Variants in SETD2 observed in about 807,000 individuals in gnomAD.
The protein encoded by SETD2 is histone-lysine N-methyltransferase SETD2.
SETD2 carries 31 observed loss-of-function variants against 242.1 expected under a neutral mutation model. That is an observed-to-expected ratio of 0.13 (90% CI 0.10 to 0.17). The LOEUF is 0.17. SETD2 is among the 10% of genes least tolerant of loss of function. The pLI is 1.00. For synonymous variants in SETD2, 1,006 were observed against 1,066.5 expected, an observed-to-expected ratio of 0.94 and a Z score of 1.11; for missense variants, 2,481 against 3,046.3, an observed-to-expected ratio of 0.81 and a Z score of 4.37.
At chr3:47,046,992 A>G (rs985741412) in intron 15 of SETD2, 1 of 157,200 alleles carries the variant, frequency 6.4e-6, no homozygotes, top group African/African-American at 2.4e-5. Flanking sequence ...GATATCCAAG[A>G]AACAATGCCA....
chr3:47,117,271 A>AAAC, intron 3 of SETD2, among the ~76,000 whole-genome samples: 1 of 139,182 alleles, frequency 7.2e-6, no homozygotes, highest in African/African-American at 3.1e-5. Flanking sequence ...CAAAAAAAAA[A>AAAC]AAAAAAAAAC....
In SETD2 at chr3:47,067,406, C is replaced by CTTT. The variant is rs548953692; in HGVS notation, c.6061-291_6061-289dup. Among the ~76,000 whole-genome samples the CTTT allele has an allele frequency of 6.6e-4, 55 of 83,906 alleles. 1 individual carries two copies. The highest frequency in any genetic ancestry group is 9.9e-4 in the African/African-American group (19 of 19,170). The allele number at this position is 83,906 out of a possible 152,430, so 55.0% of individuals were successfully genotyped here. A position where few individuals can be genotyped will look rare whatever the true frequency, so the allele number is the denominator to read the frequency against. ...GGGCAAGGATACGCTTCCTGAGCAT[C>CTTT]TTTTTTTTTTTTTTTTTTTTTTTTT... is the stretch of plus-strand genomic sequence containing the variant. On this transcript the variant is annotated intron_variant, in intron 12 of 20. Coordinates refer to ENST00000409792, the MANE Select transcript of SETD2 (RefSeq NM_014159.7).
At chr3:47,148,538 A>G (rs2043914588) in intron 1 of SETD2, among the ~76,000 whole-genome samples, 1 of 152,236 alleles carries the variant, frequency 6.6e-6, no homozygotes, top group South Asian at 2.1e-4. Context: ...GTGTTCAAGT[A>G]TTCTCCAATT....
In SETD2 at chr3:47,127,586, G is replaced by C. The variant is rs538014572; in HGVS notation, c.72-923C>G. On this transcript the variant is annotated intron_variant, in intron 1 of 20. Transcript: ENST00000409792. The stretch of plus-strand genomic sequence containing the variant: ...CTCTTAAAAATAATTTTTAGGCCAG[G>C]TGCGGTGGCTCACGCCTGTAATCCC... 78 of 452,762 alleles carry C rather than the reference G, an allele frequency of 1.7e-4. No homozygotes were observed. In the Admixed American group the frequency reaches 1.9e-3, roughly 11 times the overall value. 28.0% of individuals were successfully genotyped at this position (452,762 alleles called of 1,614,324 possible). A position where few individuals can be genotyped will look rare whatever the true frequency, so the allele number is the denominator to read the frequency against.
intron 15 of SETD2, among the ~76,000 whole-genome samples, chr3:47,051,536 A>C (rs1432743782): frequency 1.3e-5 from 2 of 152,174 alleles, no homozygotes; most frequent in East Asian, 3.8e-4. Context: ...TCAGTCTAAC[A>C]ACCAAAAATC....
chr3:47,040,917 TAC>T (rs1041004618), intron 17 of SETD2, among the ~76,000 whole-genome samples: 2 of 152,160 alleles, frequency 1.3e-5, no homozygotes, highest in African/African-American at 4.8e-5. Flanking sequence ...TCCAAATTGA[TAC>T]AAACTATTGT....
chr3:47,086,718 T>C (rs748069561), intron 10 of SETD2, among the ~76,000 whole-genome samples: 3 of 151,858 alleles, frequency 2.0e-5, no homozygotes, highest in Non-Finnish European at 1.5e-5. Context: ...GACCTCTTTT[T>C]CCTGTTAGTT....
At chr3:47,115,431 C>A (rs1284659910) in intron 4 of SETD2, among the ~76,000 whole-genome samples, 4 of 152,150 alleles carry the variant, frequency 2.6e-5, no homozygotes, top group Non-Finnish European at 4.4e-5. Context: ...TCTCTTCTTA[C>A]ATCTGTACTG....
chr3:47,163,743 T>G, intron 1 of SETD2, 111 bp downstream of exon 1: 6 of 888,336 alleles, frequency 6.8e-6, no homozygotes, highest in East Asian at 1.1e-4. Context: ...GAGGCCACCG[T>G]GGGCCTGTTA....
chr3:47,120,689 G>T lies in SETD2; in HGVS notation c.3947C>A (p.Thr1316Asn). 1 of 1,614,132 alleles carries T rather than the reference G, an allele frequency of 6.2e-7. No homozygotes were observed. Among genetic ancestry groups the T allele is most frequent in the Non-Finnish European group, 8.5e-7 (1 of 1,180,036 alleles). ...WDPRSGRPPGTGVVYDRTQGQ... is the reference protein window; with the variant it reads ...WDPRSGRPPGNGVVYDRTQGQ... ...TTGAGTTCGATCATACACAACCCCA[G>T]TTCCAGGAGGTCTACCTGATCTTGG... Residue 1316 changes from threonine to asparagine, a missense_variant, in exon 3 of 21, where the codon ACT (threonine) becomes AAT (asparagine). Coordinates refer to ENST00000409792, the MANE Select transcript of SETD2 (RefSeq NM_014159.7).
At chr3:47,050,967 A>G (rs1056420265) in intron 15 of SETD2, among the ~76,000 whole-genome samples, 3 of 151,832 alleles carry the variant, frequency 2.0e-5, no homozygotes, top group Non-Finnish European at 4.4e-5. Flanking sequence ...TCCTGACCTC[A>G]AGTGATCCCC....
At chr3:47,156,300 G>A (rs374952667) in intron 1 of SETD2, among the ~76,000 whole-genome samples, 3 of 152,226 alleles carry the variant, frequency 2.0e-5, no homozygotes, top group Non-Finnish European at 2.9e-5. Flanking sequence ...TTAAATCAAC[G>A]AGTCACTACA....
rs2106691905 is a variant in SETD2, at chr3:47,122,964, T to G, written c.1672A>C (p.Thr558Pro). The change falls in exon 3 of 21, where the codon ACC becomes CCC. Residue 558 changes from threonine to proline, a missense_variant. Physicochemically the swap from Thr to Pro is conservative, Grantham distance 38. Coordinates refer to ENST00000409792, the MANE Select transcript of SETD2 (RefSeq NM_014159.7). ...HDSSASRYKSTLSKPIPKSDK... is the reference protein window; with the variant it reads ...HDSSASRYKSPLSKPIPKSDK... ...GACTTGGGTATAGGTTTTGAAAGGGTAGATTTATAACGGGAAGCACTACTG... is the reference window on the plus strand; with the variant it reads ...GACTTGGGTATAGGTTTTGAAAGGGGAGATTTATAACGGGAAGCACTACTG... 1 of 1,613,862 alleles carries G rather than the reference T, an allele frequency of 6.2e-7. No homozygotes were observed. The highest frequency in any genetic ancestry group is 8.5e-7 in the Non-Finnish European group (1 of 1,179,816).
At position 47,121,968 on chromosome 3, in the gene SETD2, T is replaced by C. The variant is rs1194789958; in HGVS notation, c.2668A>G (p.Ile890Val). 3.1e-6 allele frequency: 5 copies of C among 1,613,858 alleles called. No individual in the cohort carries two copies. The highest frequency in any genetic ancestry group is 1.3e-5 in the African/African-American group (1 of 74,936). ...AAGAGAGTTAGACTGTCCACCTTTATTCCTGGTGGAAGACTCTGAAGAGAT... is the reference window on the plus strand; with the variant it reads ...AAGAGAGTTAGACTGTCCACCTTTACTCCTGGTGGAAGACTCTGAAGAGAT... Reference protein sequence around the residue: ...ASSLQSLPPGIKVDSLTLLKC... With the variant: ...ASSLQSLPPGVKVDSLTLLKC... The change falls in exon 3 of 21, where the codon ATA becomes GTA. Residue 890 changes from isoleucine (I) to valine (V), a missense_variant. Physicochemically the swap from Ile to Val is conservative, Grantham distance 29. Coordinates refer to ENST00000409792, the MANE Select transcript of SETD2 (RefSeq NM_014159.7).
At chr3:47,144,595 T>A (rs11719738) in intron 1 of SETD2, among the ~76,000 whole-genome samples, 99,303 of 151,950 alleles carry the variant, frequency 0.65, 32,872 homozygotes, top group African/African-American at 0.76. Flanking sequence ...CTGAGCCGAG[T>A]TCGCACCACT....
At chr3:47,097,010 T>A (rs377577356) in intron 9 of SETD2, among the ~76,000 whole-genome samples, 7 of 152,312 alleles carry the variant, frequency 4.6e-5, no homozygotes, top group African/African-American at 1.7e-4. Flanking sequence ...TGTGCTCAAT[T>A]GATGTTACCT....
Position 47,102,771 on chromosome 3 carries a change from G to GC in SETD2, c.4917+574dup, listed in dbSNP as rs1553695322. On this transcript the variant is annotated intron_variant, in intron 7 of 20. Transcript: ENST00000409792. ...ATCATGTCACTGCGCTCCAGCCTGG[G>GC]CAAAAAAAAAAAAAAAAAAAAGATA... Among the ~76,000 whole-genome samples, 8 of 43,348 alleles carry GC rather than the reference G, an allele frequency of 1.8e-4. No individual in the cohort carries two copies. In the South Asian group the frequency reaches 2.6e-3, roughly 14 times the overall value. 28.4% of individuals were successfully genotyped at this position (43,348 alleles called of 152,430 possible). A position where few individuals can be genotyped will look rare whatever the true frequency, so the allele number is the denominator to read the frequency against.
chr3:47,071,358 A>G (rs2040809698), intron 12 of SETD2, among the ~76,000 whole-genome samples: 1 of 152,226 alleles, frequency 6.6e-6, no homozygotes, highest in Non-Finnish European at 1.5e-5. Flanking sequence ...CACCAAGAAC[A>G]GTGTCTGGCA....
intron 5 of SETD2, among the ~76,000 whole-genome samples, chr3:47,112,343 G>A (rs28461393): frequency 6.6e-6 from 1 of 151,830 alleles, no homozygotes; most frequent in Admixed American, 6.6e-5. Context: ...GTACAATGGC[G>A]CAATCTCGGC....
Sources: allele counts gnomAD v4.1 joint callset (sites outside exome capture counted in the v4.1 genomes callset), GRCh38; gene constraint gnomAD v4.1.1; transcripts MANE v1.5; gene names NCBI Gene and HGNC (gene_info 2026-07-23, HGNC 2026-07-21).